The following PPM1H variants were observed in gnomAD, a reference collection of about 807,000 sequenced individuals.
PPM1H encodes protein phosphatase 1H.
In PPM1H, 27 loss-of-function variants were observed where a neutral mutation model predicts 54.9. That is an observed-to-expected ratio of 0.49 (90% CI 0.36 to 0.68). PPM1H has a LOEUF of 0.68. Among genes scored for constraint, PPM1H ranks in the 30% least tolerant of loss-of-function variants. The probability of loss-of-function intolerance (pLI) is 0.00; values close to 1 mark genes in which losing one functional copy is unlikely to be tolerated. For missense variants in PPM1H, 596 were observed against 667.8 expected, an observed-to-expected ratio of 0.89 and a Z score of 1.19; for synonymous variants, 305 against 270.8, an observed-to-expected ratio of 1.13 and a Z score of -1.24.
At chr12:62,804,099 C>T (rs2076789645) in intron 2 of PPM1H, among the ~76,000 whole-genome samples, 2 of 152,098 alleles carry the variant, frequency 1.3e-5, no homozygotes, top group African/African-American at 4.8e-5. Flanking sequence ...TCCCATAACA[C>T]TGGGCAAAAC....
At chr12:62,884,645 T>C (rs1171959906) in intron 1 of PPM1H, among the ~76,000 whole-genome samples, 1 of 152,164 alleles carries the variant, frequency 6.6e-6, no homozygotes. Flanking sequence ...GTGGAAAAGC[T>C]GGTTCTGAAC....
At chr12:62,724,796 G>C (rs1047496558) in intron 5 of PPM1H, among the ~76,000 whole-genome samples, 4 of 152,162 alleles carry the variant, frequency 2.6e-5, no homozygotes, top group South Asian at 2.1e-4. Context: ...CTTTTCATAA[G>C]AGCTGAGACT....
chr12:62,826,848 A>G (rs1009441792), intron 2 of PPM1H, among the ~76,000 whole-genome samples: 6 of 152,174 alleles, frequency 3.9e-5, no homozygotes, highest in Non-Finnish European at 7.3e-5. Context: ...CCATGATGCC[A>G]TTATTTATCC....
At chr12:62,755,059 T>G (rs951334036) in intron 4 of PPM1H, among the ~76,000 whole-genome samples, 3 of 152,224 alleles carry the variant, frequency 2.0e-5, no homozygotes, top group African/African-American at 7.2e-5. Flanking sequence ...ACCTGGATGA[T>G]GAGAGGCTCA....
intron 2 of PPM1H, among the ~76,000 whole-genome samples, chr12:62,823,670 C>T (rs1868252983): frequency 6.6e-6 from 1 of 152,134 alleles, no homozygotes; most frequent in African/African-American, 2.4e-5. Context: ...TCAATAGATG[C>T]AGAAAAGGCC....
At chr12:62,838,338 T>TGTGG (rs375217752) in intron 1 of PPM1H, among the ~76,000 whole-genome samples, 41 of 93,326 alleles carry the variant, frequency 4.4e-4, no homozygotes, top group South Asian at 7.7e-4. Context: ...TGTGTGTGTG[T>TGTGG]GGGGGGGGGG....
chr12:62,688,353 C>A (rs925181526), intron 8 of PPM1H, among the ~76,000 whole-genome samples: 16 of 152,168 alleles, frequency 1.1e-4, no homozygotes, highest in African/African-American at 3.9e-4. Flanking sequence ...CCAACGCCAG[C>A]AGCCACCAGA....
At chr12:62,832,531 T>C (rs1261386032) in intron 1 of PPM1H, among the ~76,000 whole-genome samples, 2 of 152,252 alleles carry the variant, frequency 1.3e-5, no homozygotes, top group African/African-American at 4.8e-5. Flanking sequence ...AGGTGTCTGA[T>C]AGATGTGATC....
At chr12:62,776,739 A>G (rs2076613845) in intron 4 of PPM1H, among the ~76,000 whole-genome samples, 2 of 152,200 alleles carry the variant, frequency 1.3e-5, no homozygotes, top group East Asian at 1.9e-4. Flanking sequence ...GCTCACTTCC[A>G]AGGGCTGACA....
intron 1 of PPM1H, among the ~76,000 whole-genome samples, chr12:62,879,861 T>A (rs1265399236): frequency 6.6e-6 from 1 of 152,130 alleles, no homozygotes; most frequent in Non-Finnish European, 1.5e-5. Context: ...TAAATTGGAA[T>A]CTCTGGGAAG....
intron 8 of PPM1H, 30 bp from the exon 9 acceptor site, chr12:62,667,359 A>C (rs1428712917): frequency 2.7e-6 from 4 of 1,497,536 alleles, no homozygotes; most frequent in Non-Finnish European, 3.6e-6. Flanking sequence ...CTACCACTTA[A>C]GAAATTGGAA....
intron 2 of PPM1H, among the ~76,000 whole-genome samples, chr12:62,802,486 G>A (rs756832023): frequency 3.3e-5 from 5 of 152,010 alleles, no homozygotes; most frequent in Admixed American, 6.5e-5. Context: ...CTAATTTGAA[G>A]TGTAGGTGTT....
At chr12:62,732,287 C>T (rs2076325867) in intron 5 of PPM1H, among the ~76,000 whole-genome samples, 1 of 152,316 alleles carries the variant, frequency 6.6e-6, no homozygotes, top group African/African-American at 2.4e-5. Context: ...ATGAAGGGCC[C>T]TCTGAGGTCA....
intron 1 of PPM1H, among the ~76,000 whole-genome samples, chr12:62,864,425 A>T (rs547302304): frequency 1.3e-5 from 2 of 152,326 alleles, no homozygotes; most frequent in Admixed American, 1.3e-4. Context: ...TGACATTCTC[A>T]TGCCACCAGA....
chr12:62,779,781 C>T (rs1249563600), intron 4 of PPM1H, among the ~76,000 whole-genome samples: 1 of 152,232 alleles, frequency 6.6e-6, no homozygotes, highest in Non-Finnish European at 1.5e-5. Context: ...ATCCCAGGCT[C>T]ATGGACAGCT....
intron 5 of PPM1H, among the ~76,000 whole-genome samples, chr12:62,728,822 G>C (rs74783971): frequency 0.019 from 2,853 of 152,306 alleles, 57 homozygotes; most frequent in East Asian, 0.088. Flanking sequence ...AAGGTGACCA[G>C]GGCTCCAGCG....
intron 1 of PPM1H, among the ~76,000 whole-genome samples, chr12:62,865,214 G>A (rs1239463824): frequency 6.6e-6 from 1 of 152,118 alleles, no homozygotes; most frequent in Non-Finnish European, 1.5e-5. Flanking sequence ...GCCTGACAAG[G>A]ATCTGGTCCA....
chr12:62,934,179 T>G lies in PPM1H; in HGVS notation c.245+313A>C. The G allele has an allele frequency of 6.2e-6, 2 of 320,688 alleles. No homozygotes were observed. Among genetic ancestry groups the G allele is most frequent in the Non-Finnish European group, 1.1e-5 (2 of 175,542 alleles). 19.9% of individuals were successfully genotyped at this position (320,688 alleles called of 1,614,324 possible). ...TCAAACTTCAGAGCTTTTCTGCCCG[T>G]TTTTTTTCCCCAAGTGACAGAGACC... is the stretch of plus-strand genomic sequence containing the variant. On this transcript the variant is annotated intron_variant, in intron 1 of 9. Transcript: ENST00000228705. The surrounding 1 kb of genome is among the most constrained non-coding windows in gnomAD (Gnocchi z 4.2).
At chr12:62,728,511 G>A (rs1198517005) in intron 5 of PPM1H, among the ~76,000 whole-genome samples, 1 of 152,198 alleles carries the variant, frequency 6.6e-6, no homozygotes, top group Non-Finnish European at 1.5e-5. Flanking sequence ...CCATCCCAAA[G>A]AAAGTCTCTG....
Sources: allele counts gnomAD v4.1 joint callset (sites outside exome capture counted in the v4.1 genomes callset), GRCh38; gene constraint gnomAD v4.1.1; non-coding constraint Gnocchi (gnomAD v3.1); transcripts MANE v1.5; gene names NCBI Gene and HGNC (gene_info 2026-07-23, HGNC 2026-07-21).